Variants in ZMPSTE24 observed in about 807,000 individuals in gnomAD.
The protein encoded by ZMPSTE24 is zinc metallopeptidase STE24, also known as CAAX prenyl protease 1 homolog.
Under a neutral mutation model 56.7 loss-of-function variants are expected in ZMPSTE24, and 48 were observed. The ratio of observed to expected loss-of-function variants is 0.85; its 90% CI spans 0.67 to 1.08. The LOEUF is 1.08. ZMPSTE24 is among the 50% of genes least tolerant of loss of function. ZMPSTE24 has a pLI of 0.00. For missense variants in ZMPSTE24, 503 were observed against 548.7 expected (o/e 0.92, Z 0.83); for synonymous variants, 172 against 195.2 (o/e 0.88, Z 0.99).
chr1:40,267,073 A>G (rs1404223019), intron 2 of ZMPSTE24, among the ~76,000 whole-genome samples: 1 of 151,772 alleles, frequency 6.6e-6, no homozygotes. Context: ...CAGCTGTTTA[A>G]CCTTTCTAAG....
intron 2 of ZMPSTE24, among the ~76,000 whole-genome samples, chr1:40,263,445 A>C (rs1643518140): frequency 1.3e-5 from 2 of 152,352 alleles, no homozygotes; most frequent in South Asian, 4.1e-4. Context: ...GCCAAGGGAC[A>C]TGCTAATAAG....
chr1:40,287,172 T>C (rs949447019), intron 8 of ZMPSTE24, among the ~76,000 whole-genome samples: 2 of 151,576 alleles, frequency 1.3e-5, no homozygotes, highest in African/African-American at 4.8e-5. Flanking sequence ...GCTCAAGCCA[T>C]CCTCCAGCCT....
intron 8 of ZMPSTE24, 61 bp downstream of exon 8, chr1:40,286,090 G>T: frequency 6.9e-7 from 1 of 1,445,288 alleles, no homozygotes. Flanking sequence ...ACTATGGCAG[G>T]CATGAGAGGT....
chr1:40,281,640 A>G (rs886942362), intron 7 of ZMPSTE24, 113 bp downstream of exon 7: 1 of 1,134,798 alleles, frequency 8.8e-7, no homozygotes, highest in Non-Finnish European at 1.3e-6. Flanking sequence ...GGAGACTATC[A>G]GATGAAAACC....
intron 6 of ZMPSTE24, among the ~76,000 whole-genome samples, chr1:40,277,901 G>A (rs540018017): frequency 5.4e-5 from 8 of 148,774 alleles, no homozygotes; most frequent in South Asian, 2.1e-4. Context: ...CCCGGGAGGC[G>A]GAGGCTGCAG....
At chr1:40,290,775 T>G in intron 8 of ZMPSTE24, 79 bp from the exon 9 acceptor site, 5 of 1,570,204 alleles carry the variant, frequency 3.2e-6, no homozygotes, top group Non-Finnish European at 4.4e-6. Context: ...CTGTGATTTC[T>G]TATACTTTAT....
chr1:40,292,621 T>C lies in ZMPSTE24; in HGVS notation c.1380T>C (p.Pro460=). Residue 460 remains proline, a synonymous_variant, in exon 10 of 10, where the codon CCT becomes CCC. Coordinates refer to ENST00000372759, the MANE Select transcript of ZMPSTE24 (RefSeq NM_005857.5). ...TCTCAATGTGGCATTATTCTCATCC[T>C]CCACTGCTAGAGAGACTTCAAGCTT... is the stretch of plus-strand genomic sequence containing the variant. The part of the protein sequence containing the change: ...WLFSMWHYSH[P]PLLERLQALK... 1 of 1,614,104 alleles carries C rather than the reference T, an allele frequency of 6.2e-7. No individual in the cohort carries two copies. The highest frequency in any genetic ancestry group is 8.5e-7 in the Non-Finnish European group (1 of 1,179,998).
At chr1:40,277,453 T>C (rs1218690122) in intron 6 of ZMPSTE24, among the ~76,000 whole-genome samples, 1 of 152,150 alleles carries the variant, frequency 6.6e-6, no homozygotes, top group African/African-American at 2.4e-5. Flanking sequence ...ATTCCTGGGC[T>C]TCATTCCCAG....
chr1:40,266,595 A>G (rs376112974), intron 2 of ZMPSTE24, among the ~76,000 whole-genome samples: 2 of 152,072 alleles, frequency 1.3e-5, no homozygotes, highest in East Asian at 3.9e-4. Flanking sequence ...GACACAGATA[A>G]TCCCATTCTG....
At chr1:40,260,562 T>C (rs1643486644) in intron 1 of ZMPSTE24, among the ~76,000 whole-genome samples, 1 of 150,914 alleles carries the variant, frequency 6.6e-6, no homozygotes, top group Non-Finnish European at 1.5e-5. Context: ...TGTAACAAAG[T>C]TGTGATGTTA....
At chr1:40,273,430 A>T (rs1348672807) in intron 6 of ZMPSTE24, among the ~76,000 whole-genome samples, 1 of 148,754 alleles carries the variant, frequency 6.7e-6, no homozygotes, top group African/African-American at 2.5e-5. Context: ...AGGCAGGAGA[A>T]TCGCTTGAAC....
In ZMPSTE24 at chr1:40,269,366, A is replaced by G. The variant is rs373823337; in HGVS notation, c.475-609A>G. 9.9e-5 allele frequency among the ~76,000 whole-genome samples: 15 copies of G among 152,124 alleles called. No homozygotes were observed. The East Asian group carries it at 1.4e-3, about 14-fold the overall frequency. The stretch of plus-strand genomic sequence containing the variant: ...GCCATCATTGTGCCACTGTACTCCA[A>G]CCTGGGCAACAGAGCCAGACCTGTC... On this transcript the variant is annotated intron_variant, in intron 4 of 9. Coordinates refer to ENST00000372759, the MANE Select transcript of ZMPSTE24 (RefSeq NM_005857.5).
chr1:40,281,883 A>G (rs1485845432), intron 7 of ZMPSTE24, among the ~76,000 whole-genome samples: 2 of 152,174 alleles, frequency 1.3e-5, no homozygotes, highest in East Asian at 1.9e-4. Context: ...CACAAGCAAG[A>G]TAAAGAGAAG....
chr1:40,268,195 C>T (rs956445610), intron 3 of ZMPSTE24, among the ~76,000 whole-genome samples: 1 of 152,126 alleles, frequency 6.6e-6, no homozygotes, highest in Non-Finnish European at 1.5e-5. Flanking sequence ...TTTAAGGTAC[C>T]TTTCATATAG....
At chr1:40,282,041 C>A (rs1643735697) in intron 7 of ZMPSTE24, among the ~76,000 whole-genome samples, 1 of 151,986 alleles carries the variant, frequency 6.6e-6, no homozygotes, top group Non-Finnish European at 1.5e-5. Context: ...TGTTTAACAC[C>A]CATTTATGAA....
intron 8 of ZMPSTE24, among the ~76,000 whole-genome samples, chr1:40,288,613 G>A (rs147186142): frequency 3.0e-4 from 45 of 152,260 alleles, no homozygotes; most frequent in Middle Eastern, 3.4e-3. Flanking sequence ...GTCATGGAGC[G>A]GCTACAGAGA....
chr1:40,281,808 T>C (rs755683712), intron 7 of ZMPSTE24, among the ~76,000 whole-genome samples: 2 of 150,008 alleles, frequency 1.3e-5, no homozygotes, highest in Non-Finnish European at 3.0e-5. Flanking sequence ...AACTTGTGTG[T>C]ATATATATAT....
intron 9 of ZMPSTE24, 47 bp from the exon 10 acceptor site, chr1:40,292,398 A>G (rs1259736599): frequency 2.5e-6 from 4 of 1,578,136 alleles, no homozygotes; most frequent in Non-Finnish European, 3.5e-6. Flanking sequence ...CTTTAGTAAC[A>G]ACAAAGAGGT....
intron 6 of ZMPSTE24, among the ~76,000 whole-genome samples, chr1:40,275,822 G>A (rs1295951775): frequency 1.3e-5 from 2 of 149,728 alleles, no homozygotes; most frequent in Non-Finnish European, 3.0e-5. Flanking sequence ...AGTTTACGAA[G>A]CTCAGAAAAT....
Sources: allele counts gnomAD v4.1 joint callset (sites outside exome capture counted in the v4.1 genomes callset), GRCh38; gene constraint gnomAD v4.1.1; transcripts MANE v1.5; gene names NCBI Gene and HGNC (gene_info 2026-07-23, HGNC 2026-07-21).